The following FAM135B variants were observed in gnomAD, a reference collection of about 807,000 sequenced individuals.
FAM135B encodes the protein protein FAM135B.
A neutral mutation model predicts 127.7 loss-of-function variants in FAM135B; 43 were observed. The ratio of observed to expected loss-of-function variants is 0.34; its 90% CI spans 0.26 to 0.43. The LOEUF is 0.43. Among genes scored for constraint, FAM135B ranks in the 20% least tolerant of loss-of-function variants. The pLI is 1.00. For synonymous variants in FAM135B, 670 were observed against 665.1 expected, an observed-to-expected ratio of 1.01 and a Z score of -0.11; for missense variants, 1,558 against 1,725.6, an observed-to-expected ratio of 0.90 and a Z score of 1.72.
intron 3 of FAM135B, among the ~76,000 whole-genome samples, chr8:138,291,849 C>T (rs555781763): frequency 2.0e-5 from 3 of 152,194 alleles, no homozygotes; most frequent in African/African-American, 7.2e-5. Context: ...GAAAGCTTTT[C>T]CTCTAAGATC....
intron 2 of FAM135B, among the ~76,000 whole-genome samples, chr8:138,324,689 G>GA (rs1162693033): frequency 1.3e-5 from 2 of 152,136 alleles, no homozygotes; most frequent in Non-Finnish European, 2.9e-5. Context: ...TATCCTTTCA[G>GA]AAAAACAAGG....
At chr8:138,345,779 G>T (rs1156545475) in intron 2 of FAM135B, among the ~76,000 whole-genome samples, 1 of 152,192 alleles carries the variant, frequency 6.6e-6, no homozygotes, top group Non-Finnish European at 1.5e-5. Context: ...ATCAGACTCT[G>T]CCTTGGAAGG....
At chr8:138,309,759 T>C (rs1409923433) in intron 3 of FAM135B, among the ~76,000 whole-genome samples, 1 of 152,154 alleles carries the variant, frequency 6.6e-6, no homozygotes, top group Non-Finnish European at 1.5e-5. Context: ...TCTACAACAT[T>C]CTTGGCTACT....
chr8:138,407,080 T>C (rs955373136), intron 1 of FAM135B, among the ~76,000 whole-genome samples: 17 of 151,348 alleles, frequency 1.1e-4, no homozygotes, highest in Non-Finnish European at 2.1e-4. Flanking sequence ...AAAATCAATG[T>C]ACAAAAATCA....
intron 3 of FAM135B, among the ~76,000 whole-genome samples, chr8:138,273,991 G>A (rs142565295): frequency 2.6e-4 from 40 of 152,166 alleles, no homozygotes; most frequent in South Asian, 8.3e-4. Context: ...ATCCTTCACC[G>A]CTTGATGTGA....
chr8:138,261,144 CAA>C (rs1374900672), intron 4 of FAM135B, among the ~76,000 whole-genome samples: 15 of 135,516 alleles, frequency 1.1e-4, no homozygotes, highest in Admixed American at 1.5e-4. Context: ...CTGCTTCCAG[CAA>C]AAAAAAAAAA....
intron 7 of FAM135B, among the ~76,000 whole-genome samples, chr8:138,225,267 A>G (rs1819326037): frequency 6.6e-6 from 1 of 152,116 alleles, no homozygotes; most frequent in African/African-American, 2.4e-5. Flanking sequence ...TAGATTGAAG[A>G]ACAACAAAAT....
intron 3 of FAM135B, among the ~76,000 whole-genome samples, chr8:138,273,012 C>T (rs142524286): frequency 3.6e-4 from 55 of 152,182 alleles, no homozygotes; most frequent in African/African-American, 1.2e-3. Flanking sequence ...GAGGGTTTTA[C>T]GAGATGACCT....
chr8:138,296,493 A>G, intron 3 of FAM135B, among the ~76,000 whole-genome samples: 1 of 152,232 alleles, frequency 6.6e-6, no homozygotes, highest in Non-Finnish European at 1.5e-5. Context: ...TAATCTGTAA[A>G]GCAGACAAAC....
chr8:138,347,881 G>A (rs954336514), intron 2 of FAM135B, among the ~76,000 whole-genome samples: 4 of 151,982 alleles, frequency 2.6e-5, no homozygotes, highest in Non-Finnish European at 4.4e-5. Flanking sequence ...CCTACAAAAC[G>A]GAGGTAGAAT....
At chr8:138,490,640 G>C (rs1442639765) in intron 1 of FAM135B, among the ~76,000 whole-genome samples, 1 of 152,114 alleles carries the variant, frequency 6.6e-6, no homozygotes, top group Non-Finnish European at 1.5e-5. Context: ...CATATGCAAA[G>C]AGTTCATCCC....
intron 7 of FAM135B, among the ~76,000 whole-genome samples, chr8:138,235,036 C>T (rs1820163727): frequency 6.6e-6 from 1 of 152,140 alleles, no homozygotes; most frequent in Admixed American, 6.5e-5. Context: ...GGACCATATT[C>T]CTTATCTTTT....
At chr8:138,257,891 A>AAT (rs1563828520) in intron 4 of FAM135B, among the ~76,000 whole-genome samples, 3 of 141,940 alleles carry the variant, frequency 2.1e-5, no homozygotes, top group East Asian at 2.1e-4. Flanking sequence ...AAAATAAAAA[A>AAT]AAAAATAAAA....
chr8:138,133,423 T>C (rs1268986038), intron 19 of FAM135B, among the ~76,000 whole-genome samples: 3 of 152,176 alleles, frequency 2.0e-5, no homozygotes, highest in East Asian at 3.9e-4. Flanking sequence ...TGCTGAACAA[T>C]AGATAGATTT....
intron 3 of FAM135B, among the ~76,000 whole-genome samples, chr8:138,288,809 C>A (rs894406717): frequency 1.3e-5 from 2 of 152,182 alleles, no homozygotes. Context: ...CAAAAACAAA[C>A]CACCCATTAA....
At chr8:138,496,350 C>A (rs940963003) in intron 1 of FAM135B, among the ~76,000 whole-genome samples, 2 of 152,158 alleles carry the variant, frequency 1.3e-5, no homozygotes, top group Non-Finnish European at 1.5e-5. Flanking sequence ...GGTTCCCTGG[C>A]TCCAAGGACC....
chr8:138,338,999 C>G (rs1828830463), intron 2 of FAM135B, among the ~76,000 whole-genome samples: 1 of 151,506 alleles, frequency 6.6e-6, no homozygotes, highest in Non-Finnish European at 1.5e-5. Context: ...TCTCAGCAAA[C>G]TATCGCAAGG....
At chr8:138,339,627 T>G (rs1341290264) in intron 2 of FAM135B, among the ~76,000 whole-genome samples, 2 of 152,030 alleles carry the variant, frequency 1.3e-5, no homozygotes, top group Admixed American at 6.6e-5. Flanking sequence ...TGCATATGTG[T>G]CACAGTTTTT....
At chr8:138,175,724 C>G (rs1296867742) in intron 11 of FAM135B, among the ~76,000 whole-genome samples, 1 of 152,134 alleles carries the variant, frequency 6.6e-6, no homozygotes, top group African/African-American at 2.4e-5. Flanking sequence ...GATTACTACC[C>G]CATTTCTCTT....
Sources: gnomAD v4.1 joint callset for allele counts (sites outside exome capture counted in the v4.1 genomes callset) on GRCh38, gnomAD v4.1.1 for gene constraint, MANE v1.5 for transcripts, NCBI Gene and HGNC (gene_info 2026-07-23, HGNC 2026-07-21) for gene names.